C1orf174: variants seen among roughly 807,000 people sequenced by gnomAD.
The protein encoded by C1orf174 is chromosome 1 open reading frame 174.
A neutral mutation model predicts 18.4 loss-of-function variants in C1orf174; 13 were observed. The observed-to-expected ratio is 0.71, with a 90% confidence interval of 0.46 to 1.12. The LOEUF is 1.12. Ranked by LOEUF, C1orf174 falls within the 50% of genes most tolerant of loss-of-function variation. The pLI is 0.00. For missense variants in C1orf174, 309 were observed against 308.0 expected (o/e 1.00, Z -0.02); for synonymous variants, 100 against 118.3 (o/e 0.85, Z 1.01).
chr1:3,893,810 T>C (rs1638555804), intron 1 of C1orf174, among the ~76,000 whole-genome samples: 1 of 152,272 alleles, frequency 6.6e-6, no homozygotes, highest in African/African-American at 2.4e-5. Context: ...GGTGAGAGGA[T>C]CACTTGATCC....
intron 1 of C1orf174, among the ~76,000 whole-genome samples, chr1:3,897,775 C>T (rs998377508): frequency 2.6e-5 from 4 of 151,458 alleles, no homozygotes; most frequent in Admixed American, 6.6e-5. Flanking sequence ...GCCATTCTCC[C>T]GCCTCAGCCT....
intron 2 of C1orf174, 100 bp downstream of exon 2, chr1:3,892,783 T>A: frequency 6.6e-7 from 1 of 1,510,252 alleles, no homozygotes; most frequent in Non-Finnish European, 8.9e-7. Flanking sequence ...TAAGTAACAG[T>A]CGATATTTTT....
chr1:3,897,437 C>T (rs1435216522), intron 1 of C1orf174, among the ~76,000 whole-genome samples: 1 of 152,012 alleles, frequency 6.6e-6, no homozygotes, highest in Admixed American at 6.5e-5. Flanking sequence ...GCAGGATAAG[C>T]AAACTTGAAG....
At chr1:3,893,114 T>A in intron 1 of C1orf174, 118 bp from the exon 2 acceptor site, 1 of 1,117,574 alleles carries the variant, frequency 8.9e-7, no homozygotes, top group Non-Finnish European at 1.3e-6. Flanking sequence ...CAGGATTTTA[T>A]CATCTTTGTG....
At chr1:3,893,556 A>G (rs1638551729) in intron 1 of C1orf174, among the ~76,000 whole-genome samples, 3 of 152,234 alleles carry the variant, frequency 2.0e-5, no homozygotes, top group Admixed American at 2.0e-4. Context: ...TAACATTTAA[A>G]ATAACTATTT....
chr1:3,895,116 C>A (rs1359527175), intron 1 of C1orf174, among the ~76,000 whole-genome samples: 2 of 152,214 alleles, frequency 1.3e-5, no homozygotes, highest in East Asian at 3.8e-4. Context: ...GTGAGCCCTC[C>A]TCCGGGCGCT....
chr1:3,893,412 A>T (rs1001236082), intron 1 of C1orf174, among the ~76,000 whole-genome samples: 3 of 152,068 alleles, frequency 2.0e-5, no homozygotes, highest in Non-Finnish European at 4.4e-5. Context: ...CTCAAATTAG[A>T]CTCCTATTCT....
chr1:3,898,922 A>G (rs1247874092), intron 1 of C1orf174, among the ~76,000 whole-genome samples: 1 of 152,238 alleles, frequency 6.6e-6, no homozygotes, highest in Non-Finnish European at 1.5e-5. Context: ...AAATAACCAT[A>G]TAAGAGTAAC....
At chr1:3,897,943 G>A (rs898804903) in intron 1 of C1orf174, among the ~76,000 whole-genome samples, 3 of 152,068 alleles carry the variant, frequency 2.0e-5, no homozygotes, top group Non-Finnish European at 4.4e-5. Context: ...GATTACAGGC[G>A]TGAGCCACCG....
intron 2 of C1orf174, chr1:3,891,645 C>A (rs1230173846): frequency 1.0e-6 from 1 of 986,002 alleles, no homozygotes; most frequent in East Asian, 1.1e-4. Flanking sequence ...CAGGAACTCG[C>A]TCCTCGGAAT....
At chr1:3,896,366 G>A (rs140174781) in intron 1 of C1orf174, among the ~76,000 whole-genome samples, 43 of 152,338 alleles carry the variant, frequency 2.8e-4, no homozygotes, top group African/African-American at 9.9e-4. Flanking sequence ...CTAGATATGA[G>A]GTGGTTCCAG....
At chr1:3,897,343 A>T (rs1638624319) in intron 1 of C1orf174, among the ~76,000 whole-genome samples, 1 of 152,216 alleles carries the variant, frequency 6.6e-6, no homozygotes, top group Admixed American at 6.5e-5. Context: ...TTACTTAAAA[A>T]CCAAATGGAA....
At chr1:3,891,531 G>A (rs1304283582) in intron 2 of C1orf174, 2 of 938,346 alleles carry the variant, frequency 2.1e-6, no homozygotes, top group African/African-American at 3.6e-5. Flanking sequence ...ATTTTACCAA[G>A]CACCTCATCA....
At chr1:3,891,860 G>A in intron 2 of C1orf174, 1 of 967,080 alleles carries the variant, frequency 1.0e-6, no homozygotes, top group Middle Eastern at 5.3e-4. Flanking sequence ...TAGGATCAGA[G>A]CCCGGGTCTA....
intron 1 of C1orf174, among the ~76,000 whole-genome samples, chr1:3,897,978 T>C (rs1014457695): frequency 6.6e-6 from 1 of 152,092 alleles, no homozygotes; most frequent in Non-Finnish European, 1.5e-5. Context: ...TCCAGGAATC[T>C]TAATGAACAG....
At chr1:3,895,771 C>T (rs777104475) in intron 1 of C1orf174, 3 of 152,064 alleles carry the variant, frequency 2.0e-5, no homozygotes, top group Non-Finnish European at 4.4e-5. Context: ...TCCCACAGTC[C>T]AAAAAAGGAA....
chr1:3,899,646 G>A (rs1173981891), intron 1 of C1orf174, among the ~76,000 whole-genome samples: 1 of 152,244 alleles, frequency 6.6e-6, no homozygotes, highest in Non-Finnish European at 1.5e-5. Context: ...ACTCAGCTCT[G>A]CAGCATCTAG....
At position 3,889,905 on chromosome 1, in the gene C1orf174, A is replaced by C; in HGVS notation, c.*55T>G. The C allele has an allele frequency of 7.1e-7, 1 of 1,408,848 alleles. No individual in the cohort carries two copies. The highest frequency in any genetic ancestry group is 2.3e-5 in the East Asian group (1 of 43,892). The allele number at this position is 1,408,848 out of a possible 1,614,324, so 87.3% of individuals were successfully genotyped here. On this transcript the variant is annotated 3_prime_UTR_variant, in exon 4 of 4. Transcript: ENST00000361605. ...TTTATATAAATCTTGTAATGTGCTA[A>C]ATTGTCAAATTGTTAATGGTACTAA...
intron 1 of C1orf174, among the ~76,000 whole-genome samples, chr1:3,897,274 A>G (rs1245309066): frequency 6.6e-6 from 1 of 152,252 alleles, no homozygotes; most frequent in Non-Finnish European, 1.5e-5. Context: ...TATCAAGATC[A>G]TGAATAAAGA....
Sources: gnomAD v4.1 joint callset for allele counts (sites outside exome capture counted in the v4.1 genomes callset) on GRCh38, gnomAD v4.1.1 for gene constraint, MANE v1.5 for transcripts, NCBI Gene and HGNC (gene_info 2026-07-23, HGNC 2026-07-21) for gene names.